The following DEF8 variants were observed in gnomAD, a reference collection of about 807,000 sequenced individuals.
DEF8 encodes differentially expressed in FDCP 8 homolog, also known as DEF-8.
DEF8 carries 38 observed loss-of-function variants against 59.1 expected under a neutral mutation model. That is an observed-to-expected ratio of 0.64 (90% confidence interval 0.50 to 0.84). DEF8 has a LOEUF of 0.84. DEF8 is among the 40% of genes least tolerant of loss of function. DEF8 has a pLI of 0.00. For synonymous variants in DEF8, 265 were observed against 250.1 expected (o/e 1.06, Z -0.56); for missense variants, 557 against 615.2 (o/e 0.91, Z 1.00).
rs1371831329 is a variant in DEF8 at position 89,948,814 on chromosome 16, G to A, written c.-108G>A. 1 of 981,418 alleles carries A rather than the reference G, an allele frequency of 1.0e-6. No individual in the cohort carries two copies. Among genetic ancestry groups the A allele is most frequent in the African/African-American group, 1.8e-5 (1 of 55,672 alleles). The allele number at this position is 981,418 out of a possible 1,614,324, so 60.8% of individuals were successfully genotyped here. ...GGAGACAGATGCGAGGCGGCGGTCA[G>A]GTGAGCGGCGCGGGGCCGGCGGGGT... is the stretch of plus-strand genomic sequence containing the variant. On this transcript the variant is annotated splice_region_variant and 5_prime_UTR_variant, in exon 1 of 13. Transcript: ENST00000563594.
intron 8 of DEF8, 69 bp downstream of exon 8, chr16:89,961,933 G>A (rs990588198): frequency 1.8e-5 from 29 of 1,601,540 alleles, no homozygotes; most frequent in African/African-American, 2.7e-5. Context: ...GTGTGGAGCC[G>A]GTGTACCCCT....
chr16:89,964,195 A>G lies in DEF8; in HGVS notation c.1028A>G (p.Glu343Gly). Residue 343 changes from glutamate to glycine, a missense_variant, in exon 11 of 13, where the codon GAG becomes GGG. Coordinates refer to ENST00000563594, the MANE Select transcript of DEF8 (RefSeq NM_001242818.2). ...CTCCAGGATCGGCAGCATTTTGTGG[A>G]GAACGACGAGATGTACTCTGTCCAG... ...LQLQDRQHFV[E>G]NDEMYSVQDL... is the part of the protein sequence containing the mutation. 1.9e-6 allele frequency: 3 copies of G among 1,613,758 alleles called. No homozygotes were observed. Among genetic ancestry groups the G allele is most frequent in the Non-Finnish European group, 2.5e-6 (3 of 1,179,904 alleles).
intron 6 of DEF8, 87 bp downstream of exon 6, chr16:89,959,242 C>A (rs549233199): frequency 1.3e-6 from 2 of 1,586,888 alleles, no homozygotes; most frequent in Admixed American, 1.8e-5. Flanking sequence ...GTGAGCTATC[C>A]AGTGTGGTGG....
chr16:89,962,716 A>G (rs889005878), intron 9 of DEF8, among the ~76,000 whole-genome samples: 4 of 152,282 alleles, frequency 2.6e-5, no homozygotes, highest in Admixed American at 6.5e-5. Flanking sequence ...ATTTAGCCCA[A>G]TATATCCAAA....
In DEF8 at chr16:89,966,149, G is replaced by T. The variant is rs13336744; in HGVS notation, c.*186G>T. ...CAGGTGCTTGCTGGGACTCGGGGCG[G>T]CTGCACCTGGCTGTCACCTGGGTGT... is the stretch of plus-strand genomic sequence containing the variant. On this transcript the variant is annotated 3_prime_UTR_variant, in exon 13 of 13. Coordinates refer to ENST00000563594, the MANE Select transcript of DEF8 (RefSeq NM_001242818.2). The T allele has an allele frequency of 0.07, 37,777 of 539,668 alleles. 4,605 individuals are homozygous for T. The highest frequency in any genetic ancestry group is 0.4 in the African/African-American group (20,604 of 52,096). The allele number at this position is 539,668 out of a possible 1,614,324, so 33.4% of individuals were successfully genotyped here.
At chr16:89,957,431 G>C in intron 4 of DEF8, 80 bp from the exon 5 acceptor site, 5 of 1,455,724 alleles carry the variant, frequency 3.4e-6, no homozygotes, top group Non-Finnish European at 4.6e-6. Flanking sequence ...GTCTGCTCTG[G>C]GCCTGTCTCG....
At chr16:89,953,907 G>C (rs1175025902) in intron 2 of DEF8, among the ~76,000 whole-genome samples, 1 of 152,210 alleles carries the variant, frequency 6.6e-6, no homozygotes, top group Non-Finnish European at 1.5e-5. Flanking sequence ...CCCATAGGTA[G>C]CTCTAGGGCT....
At position 89,951,260 on chromosome 16, in the gene DEF8, C is replaced by T. The variant is rs1010814969; in HGVS notation, c.-11+1747C>T. Among the ~76,000 whole-genome samples, 10 of 146,106 alleles carry T rather than the reference C, an allele frequency of 6.8e-5. No homozygotes were observed. The East Asian group carries it at 9.9e-4, about 14-fold the overall frequency. Reference sequence around the variant, plus strand: ...TTGGGATCATCAGTCAGAATCTTTTCTTTTTTTTTTTTCTGAGATGGAGTC... The same window carrying T: ...TTGGGATCATCAGTCAGAATCTTTTTTTTTTTTTTTTTCTGAGATGGAGTC... On this transcript the variant is annotated intron_variant, in intron 2 of 12. Transcript: ENST00000563594.
rs146767529 is a variant in DEF8, at chr16:89,955,221, C to T, written c.177C>T (p.Arg59=). The change falls in exon 4 of 13, where the codon CGC becomes CGT. Residue 59 remains arginine, a synonymous_variant. Coordinates refer to ENST00000563594, the MANE Select transcript of DEF8 (RefSeq NM_001242818.2). ...AGCCGGAATTCCGCTGCCCTGAACG[C>T]GTGATGGATCTCGGCCTGTCTGAGG... ...PGEPEFRCPE[R]VMDLGLSEDH... is the part of the protein sequence containing the mutation. 3.5e-5 allele frequency: 57 copies of T among 1,613,666 alleles called. No homozygotes were observed. Among genetic ancestry groups the T allele is most frequent in the African/African-American group, 5.3e-5 (4 of 74,878 alleles).
rs561242463 is a variant in DEF8, at chr16:89,964,117, G to A, written c.1003-53G>A. On this transcript the variant is annotated intron_variant, in intron 10 of 12. Coordinates refer to ENST00000563594, the MANE Select transcript of DEF8 (RefSeq NM_001242818.2). ...ACCACTGCAGCGACCATGGGTGGGC[G>A]GTGGGAGGGGCCCTCCCCGGTGCAG... 600 of 1,611,170 alleles carry A rather than the reference G, an allele frequency of 3.7e-4. 4 individuals carry two copies. Among genetic ancestry groups the A allele is most frequent in the Middle Eastern group, 2.5e-3 (15 of 6,038 alleles).
At chr16:89,952,990 C>T (rs79862391) in intron 2 of DEF8, among the ~76,000 whole-genome samples, 19,238 of 152,218 alleles carry the variant, frequency 0.13, 1,389 homozygotes, top group Middle Eastern at 0.24. Context: ...TGAGCAGGGC[C>T]GTCCCCTCTG....
rs192110882 is a variant in DEF8, at chr16:89,948,854, A to C, written c.-108+40A>C. 9.9e-6 allele frequency: 7 copies of C among 707,462 alleles called. 1 individual carries two copies. Among genetic ancestry groups the C allele is most frequent in the African/African-American group, 4.2e-5 (1 of 23,766 alleles). The allele number at this position is 707,462 out of a possible 1,614,324, so 43.8% of individuals were successfully genotyped here. The stretch of plus-strand genomic sequence containing the variant: ...GCCGGCGGGGTCGGGGCCGGCGGGG[A>C]CGGGGCCGGCGGGGACGGGGCCGGC... On this transcript the variant is annotated intron_variant, in intron 1 of 12. Transcript: ENST00000563594.
In DEF8 at chr16:89,966,147, C is replaced by T. The variant is rs13337043; in HGVS notation, c.*184C>T. 0.057 allele frequency: 30,899 copies of T among 544,408 alleles called. 3,736 individuals are homozygous for T. Among genetic ancestry groups the T allele is most frequent in the African/African-American group, 0.36 (18,703 of 52,142 alleles). The allele number at this position is 544,408 out of a possible 1,614,324, so 33.7% of individuals were successfully genotyped here. A position where few individuals can be genotyped will look rare whatever the true frequency, so the allele number is the denominator to read the frequency against. ...CCCAGGTGCTTGCTGGGACTCGGGG[C>T]GGCTGCACCTGGCTGTCACCTGGGT... On this transcript the variant is annotated 3_prime_UTR_variant, in exon 13 of 13. Coordinates refer to ENST00000563594, the MANE Select transcript of DEF8 (RefSeq NM_001242818.2).
Position 89,948,869 on chromosome 16 carries a change from ACGGGGCCGGCG to A in DEF8, c.-108+56_-108+66del, listed in dbSNP as rs1567776429. 9.6e-5 allele frequency: 51 copies of A among 530,916 alleles called. 10 individuals carry two copies. In the African/African-American group the frequency reaches 2.7e-3, roughly 28 times the overall value. 32.9% of individuals were successfully genotyped at this position (530,916 alleles called of 1,614,324 possible). A position where few individuals can be genotyped will look rare whatever the true frequency, so the allele number is the denominator to read the frequency against. ...GCCGGCGGGGACGGGGCCGGCGGGGACGGGGCCGGCGGGGACGGGGTCGGCGGGGTCGGGGC... is the reference window on the plus strand; with the variant it reads ...GCCGGCGGGGACGGGGCCGGCGGGGAGGGACGGGGTCGGCGGGGTCGGGGC... On this transcript the variant is annotated intron_variant, in intron 1 of 12. Coordinates refer to ENST00000563594, the MANE Select transcript of DEF8 (RefSeq NM_001242818.2).
chr16:89,964,345 C>G (rs1278040100), intron 11 of DEF8, 35 bp downstream of exon 11: 1 of 1,559,254 alleles, frequency 6.4e-7, no homozygotes, highest in Non-Finnish European at 8.7e-7. Context: ...CTTCTCCAAC[C>G]CCAGCCCTGA....
intron 4 of DEF8, 160 bp from the exon 5 acceptor site, chr16:89,957,351 T>G: frequency 2.7e-6 from 2 of 745,100 alleles, no homozygotes; most frequent in Admixed American, 6.4e-5. Context: ...TGCTGCCACC[T>G]TTCCTGCCCT....
chr16:89,956,935 G>T (rs1161751595), intron 4 of DEF8: 1 of 152,262 alleles, frequency 6.6e-6, no homozygotes, highest in African/African-American at 2.4e-5. Flanking sequence ...GAGGAGGATG[G>T]CTCCTGAGGG....
At position 89,959,491 on chromosome 16, in the gene DEF8, T is replaced by A. The variant is rs914320676; in HGVS notation, c.514+336T>A. On this transcript the variant is annotated intron_variant, in intron 6 of 12. Transcript: ENST00000563594. ...TGACTTTGTTTTTTGTTTTTGTTTG[T>A]TTTTGGTTTGGTTTTGTTTTTGAGA... 7 of 602,530 alleles carry A rather than the reference T, an allele frequency of 1.2e-5. No homozygotes were observed. In the Admixed American group the frequency reaches 2.1e-4, roughly 18 times the overall value. 37.3% of individuals were successfully genotyped at this position (602,530 alleles called of 1,614,324 possible). A position where few individuals can be genotyped will look rare whatever the true frequency, so the allele number is the denominator to read the frequency against.
chr16:89,963,689 G>C (rs965745889), intron 10 of DEF8: 1 of 544,580 alleles, frequency 1.8e-6, no homozygotes, highest in Non-Finnish European at 3.3e-6. Flanking sequence ...CCCAGCCCTC[G>C]TCAGGCAGGT....
Sources: gnomAD v4.1 joint callset for allele counts (sites outside exome capture counted in the v4.1 genomes callset) on GRCh38, gnomAD v4.1.1 for gene constraint, MANE v1.5 for transcripts, NCBI Gene and HGNC (gene_info 2026-07-23, HGNC 2026-07-21) for gene names.